The following STXBP2 variants were observed in gnomAD, a reference collection of about 807,000 sequenced individuals.
STXBP2 encodes the protein syntaxin-binding protein 2.
A neutral mutation model predicts 72.2 loss-of-function variants in STXBP2; 47 were observed. That is an observed-to-expected ratio of 0.65 (90% CI 0.51 to 0.83). The LOEUF (loss-of-function observed/expected upper bound fraction) is 0.83. STXBP2 is among the 40% of genes least tolerant of loss of function. The pLI, the probability that STXBP2 is intolerant of heterozygous loss-of-function variation, is 0.00. For missense variants in STXBP2, 702 were observed against 807.6 expected (o/e 0.87, Z 1.58); for synonymous variants, 367 against 338.7 (o/e 1.08, Z -0.92).
intron 2 of STXBP2, 74 bp downstream of exon 2, chr19:7,638,849 G>T (rs1349315019): frequency 6.2e-7 from 1 of 1,603,814 alleles, no homozygotes; most frequent in Admixed American, 1.7e-5. Context: ...CCTGAATGTG[G>T]GACCCCCAAG....
chr19:7,646,657 G>A (rs2032150720), intron 16 of STXBP2: 1 of 476,670 alleles, frequency 2.1e-6, no homozygotes, highest in East Asian at 4.0e-5. Context: ...CAGGATCCCA[G>A]GGCAGCACCA....
At chr19:7,636,880 G>A (rs1319052188), upstream of STXBP2, 2 of 382,364 alleles carry the variant, frequency 5.2e-6, no homozygotes, top group Non-Finnish European at 9.3e-6. Flanking sequence ...ACGCAAGCCA[G>A]GAAGTGTGTG....
intron 4 of STXBP2, 163 bp downstream of exon 4, chr19:7,639,970 A>T: frequency 1.3e-6 from 1 of 787,976 alleles, no homozygotes; most frequent in East Asian, 2.8e-5. Context: ...GCATCTGTGT[A>T]TGCATGTGTG....
rs749140975 is a variant in STXBP2, at chr19:7,641,866, C to A, written c.578+13C>A. 3 of 1,501,040 alleles carry A rather than the reference C, an allele frequency of 2.0e-6. No individual in the cohort carries two copies. The highest frequency in any genetic ancestry group is 2.7e-6 in the Non-Finnish European group (3 of 1,113,896). The allele number at this position is 1,501,040 out of a possible 1,614,324, so 93.0% of individuals were successfully genotyped here. A position where few individuals can be genotyped will look rare whatever the true frequency, so the allele number is the denominator to read the frequency against. On this transcript the variant is annotated intron_variant, in intron 7 of 18. Transcript: ENST00000221283. ...TCCGCTACCGCAAGTGGGGACCCCA[C>A]CCAGCCCCACCCCGATGCCGACCCC...
chr19:7,646,133 C>A, intron 15 of STXBP2, 116 bp from the exon 16 acceptor site: 1 of 769,782 alleles, frequency 1.3e-6, no homozygotes, highest in Non-Finnish European at 2.2e-6. Context: ...CTCTCTGTTC[C>A]ACTTCCCCAT....
At chr19:7,634,152 C>T (rs1314740037), upstream of STXBP2, among the ~76,000 whole-genome samples, 4 of 152,220 alleles carry the variant, frequency 2.6e-5, no homozygotes, top group African/African-American at 9.7e-5. Flanking sequence ...TCTCCTCTAT[C>T]ACCCTAGCCC....
intron 4 of STXBP2, chr19:7,640,122 G>C (rs192889549): frequency 1.7e-6 from 1 of 572,746 alleles, no homozygotes; most frequent in Admixed American, 2.3e-5. Context: ...GTGTGTATGC[G>C]TGTGTATGTA....
At position 7,644,571 on chromosome 19, in the gene STXBP2, C is replaced by T. The variant is rs200141357; in HGVS notation, c.1108-43C>T. On this transcript the variant is annotated intron_variant, in intron 13 of 18. Transcript: ENST00000221283. ...TGGCCCGCCTCTCCCATCCCCTTCC[C>T]TGACACATAGCGGCCGGTGGACGGC... 1,813 of 1,606,232 alleles carry T rather than the reference C, an allele frequency of 1.1e-3. 22 individuals are homozygous for T. The South Asian group carries it at 0.012, about 10-fold the overall frequency.
chr19:7,646,165 C>A, intron 15 of STXBP2, 84 bp from the exon 16 acceptor site: 1 of 1,194,214 alleles, frequency 8.4e-7, no homozygotes, highest in Non-Finnish European at 1.2e-6. Flanking sequence ...ATCCCCCACC[C>A]TACCAGCCAC....
intron 16 of STXBP2, 41 bp downstream of exon 16, chr19:7,646,385 TCG>T (rs1491062249): frequency 2.6e-6 from 4 of 1,543,634 alleles, no homozygotes; most frequent in Non-Finnish European, 3.5e-6. Context: ...GCCCTCCGCA[TCG>T]GCTGGCGGCT....
upstream of STXBP2, chr19:7,632,796 A>T: frequency 1.3e-6 from 2 of 1,562,070 alleles, no homozygotes; most frequent in Non-Finnish European, 8.6e-7. This position sits in a 1 kb window ranked among gnomAD's most constrained non-coding sequence, Gnocchi z 5.2. Context: ...GTGGCTCAGC[A>T]GATTGAAGAA....
chr19:7,643,829 G>A (rs2146223388), intron 13 of STXBP2, among the ~76,000 whole-genome samples: 1 of 147,390 alleles, frequency 6.8e-6, no homozygotes, highest in Non-Finnish European at 1.5e-5. Context: ...TGGGACCTGG[G>A]AGAGGGGTGG....
upstream of STXBP2, among the ~76,000 whole-genome samples, chr19:7,634,878 C>T (rs533754951): frequency 2.1e-4 from 32 of 152,282 alleles, no homozygotes; most frequent in African/African-American, 7.0e-4. Context: ...GGTCACATGG[C>T]ATTCTCCCTC....
upstream of STXBP2, chr19:7,633,399 C>G (rs761451658): frequency 8.3e-6 from 13 of 1,564,552 alleles, no homozygotes; most frequent in Non-Finnish European, 1.1e-5. Flanking sequence ...GGGGCAGGGC[C>G]CTCTCACCTC....
At position 7,643,774 on chromosome 19, in the gene STXBP2, C is replaced by A. The variant is rs568337712; in HGVS notation, c.1107+529C>A. 2.6e-4 allele frequency among the ~76,000 whole-genome samples: 37 copies of A among 142,214 alleles called. 1 individual carries two copies. In the East Asian group the frequency reaches 4.5e-3, roughly 17 times the overall value. 93.3% of individuals were successfully genotyped at this position (142,214 alleles called of 152,430 possible). ...GGTGGGACCTGGGTGAGGGGTGGAACCTTGGAGAGGTGGGACCTGGATGAG... is the reference window on the plus strand; with the variant it reads ...GGTGGGACCTGGGTGAGGGGTGGAAACTTGGAGAGGTGGGACCTGGATGAG... On this transcript the variant is annotated intron_variant, in intron 13 of 18. Transcript: ENST00000221283.
At chr19:7,645,994 T>G in intron 15 of STXBP2, 1 of 577,198 alleles carries the variant, frequency 1.7e-6, no homozygotes. Flanking sequence ...TTCTTATCTC[T>G]TTGCCTATCT....
intron 7 of STXBP2, 63 bp downstream of exon 7, chr19:7,641,916 C>T (rs984900035): frequency 4.5e-6 from 6 of 1,347,752 alleles, no homozygotes; most frequent in Non-Finnish European, 4.9e-6. Context: ...CAACACCTAA[C>T]CTTTAACCTC....
At chr19:7,647,092 C>G in intron 16 of STXBP2, 70 bp from the exon 17 acceptor site, 1 of 1,536,536 alleles carries the variant, frequency 6.5e-7, no homozygotes, top group Non-Finnish European at 8.9e-7. Flanking sequence ...CTGAATACCC[C>G]GTGGGGGGCA....
intron 4 of STXBP2, chr19:7,640,385 T>C (rs1383881585): frequency 3.5e-5 from 20 of 568,266 alleles, no homozygotes; most frequent in Non-Finnish European, 6.4e-5. Context: ...TGCGCATCAG[T>C]GTCTGCATGT....
Sources: gnomAD v4.1 joint callset for allele counts (sites outside exome capture counted in the v4.1 genomes callset) on GRCh38, gnomAD v4.1.1 for gene constraint, Gnocchi (gnomAD v3.1) non-coding constraint, MANE v1.5 for transcripts, NCBI Gene and HGNC (gene_info 2026-07-23, HGNC 2026-07-21) for gene names.